The following ARHGAP9 variants were observed in gnomAD, a reference collection of about 807,000 sequenced individuals.
ARHGAP9 encodes the protein rho GTPase-activating protein 9.
Under a neutral mutation model 87.3 loss-of-function variants are expected in ARHGAP9, and 76 were observed. The observed-to-expected ratio is 0.87, with a 90% CI of 0.72 to 1.05. The LOEUF (loss-of-function observed/expected upper bound fraction) is 1.05, where lower values mean the gene tolerates loss of function less well. ARHGAP9 is among the 50% of genes least tolerant of loss of function. The probability of loss-of-function intolerance (pLI) is 0.00; values close to 1 mark genes in which losing one functional copy is unlikely to be tolerated. For synonymous variants in ARHGAP9, 382 were observed against 394.9 expected (o/e 0.97, Z 0.39); for missense variants, 941 against 960.5 (o/e 0.98, Z 0.27).
chr12:57,484,034 C>G, upstream of ARHGAP9: 1 of 140,058 alleles, frequency 7.1e-6, no homozygotes, highest in South Asian at 1.2e-4. Flanking sequence ...GAGCAAGACC[C>G]TGTCTCAAAA....
In ARHGAP9 at chr12:57,472,603, C is replaced by G; in HGVS notation, c.2110G>C (p.Glu704Gln). 1.2e-6 allele frequency: 2 copies of G among 1,614,248 alleles called. No individual in the cohort carries two copies. Among genetic ancestry groups the G allele is most frequent in the Non-Finnish European group, 1.7e-6 (2 of 1,180,048 alleles). Reference sequence around the variant, plus strand: ...GCATGGGCTGCTGGGTCAGATGTCTCCTGCTCTGGCCGAAACAGGGTTGGT... The same window carrying G: ...GCATGGGCTGCTGGGTCAGATGTCTGCTGCTCTGGCCGAAACAGGGTTGGT... Reference protein sequence around the residue: ...FGPTLFRPEQETSDPAAHALY... With the variant: ...FGPTLFRPEQQTSDPAAHALY... The change falls in exon 18 of 18, where the codon GAG becomes CAG. Residue 704 changes from glutamate to glutamine, a missense_variant. Physicochemically the swap from Glu to Gln is conservative, Grantham distance 29 (BLOSUM62 2). Coordinates refer to ENST00000393791, the MANE Select transcript of ARHGAP9 (RefSeq NM_032496.4).
chr12:57,479,225 C>G lies in ARHGAP9; in HGVS notation c.182G>C (p.Trp61Ser). 6.2e-7 allele frequency: 1 copy of G among 1,614,230 alleles called. No individual in the cohort carries two copies. Among genetic ancestry groups the G allele is most frequent in the Non-Finnish European group, 8.5e-7 (1 of 1,180,038 alleles). Residue 61 changes from tryptophan to serine, a missense_variant, in exon 2 of 18, where the codon TGG becomes TCG. By Grantham distance (177) the Trp-to-Ser change is radical. Transcript: ENST00000393791. ...AGCTTCTAGGCGTCTTGCCAACCAC[C>G]AGTCGGAGTTGGTCTTTCGAAGCAG... ...FLLLRKTNSD[W>S]WLARRLEAPS...
chr12:57,479,010 C>T, intron 2 of ARHGAP9, 81 bp downstream of exon 2: 1 of 1,518,236 alleles, frequency 6.6e-7, no homozygotes, highest in Non-Finnish European at 8.9e-7. Context: ...GGGGGACCTC[C>T]CCAAAATTCC....
intron 10 of ARHGAP9, 46 bp downstream of exon 10, chr12:57,475,787 G>T: frequency 1.2e-6 from 2 of 1,602,112 alleles, no homozygotes; most frequent in Non-Finnish European, 1.7e-6. Flanking sequence ...CCACTCCCTT[G>T]GTCCCGGCCG....
At chr12:57,472,963 A>C (rs900924010) in intron 17 of ARHGAP9, among the ~76,000 whole-genome samples, 1 of 152,200 alleles carries the variant, frequency 6.6e-6, no homozygotes, top group Non-Finnish European at 1.5e-5. Context: ...TCAAGTGGCC[A>C]TCCTCTCTCA....
intron 2 of ARHGAP9, 152 bp downstream of exon 2, chr12:57,478,939 G>T: frequency 8.5e-7 from 1 of 1,172,748 alleles, no homozygotes; most frequent in Non-Finnish European, 1.2e-6. Flanking sequence ...GCCATGGCGG[G>T]GGCAAGAGGT....
chr12:57,488,779 C>T, exon 1 of ARHGAP9: 1 of 952,780 alleles, frequency 1.0e-6, no homozygotes, highest in Admixed American at 2.1e-5. Flanking sequence ...CCCAATACCA[C>T]CACCTCCTCT....
intron 7 of ARHGAP9, 39 bp from the exon 8 acceptor site, chr12:57,476,493 G>T: frequency 6.2e-7 from 1 of 1,613,154 alleles, no homozygotes. Context: ...TAGCGAACAG[G>T]TCATTCTAGA....
At chr12:57,483,987 G>A (rs181958073), upstream of ARHGAP9, 20 of 436,328 alleles carry the variant, frequency 4.6e-5, no homozygotes, top group East Asian at 1.4e-3. Flanking sequence ...ATTGCACTGA[G>A]CTGAGATCAT....
chr12:57,478,424 C>A, intron 3 of ARHGAP9, 116 bp downstream of exon 3: 1 of 1,058,596 alleles, frequency 9.4e-7, no homozygotes, highest in Non-Finnish European at 1.4e-6. Flanking sequence ...TAGTACCAAG[C>A]GTTATCTTAT....
intron 3 of ARHGAP9, 87 bp from the exon 4 acceptor site, chr12:57,477,767 C>A (rs748250568): frequency 1.3e-6 from 2 of 1,554,060 alleles, no homozygotes; most frequent in East Asian, 2.4e-5. Flanking sequence ...CCTGCTCCCT[C>A]CCCCATTGTC....
At position 57,479,081 on chromosome 12, in the gene ARHGAP9, G is replaced by A. The variant is rs748831469; in HGVS notation, c.316+10C>T. On this transcript the variant is annotated intron_variant, in intron 2 of 17. Coordinates refer to ENST00000393791, the MANE Select transcript of ARHGAP9 (RefSeq NM_032496.4). ...GGAAGGTGAAGGGAGAGGGCTTAGC[G>A]CTTACTCACCAGGAGTCCAGAGCAA... 5.9e-5 allele frequency: 95 copies of A among 1,613,330 alleles called. No homozygotes were observed. Among genetic ancestry groups the A allele is most frequent in the Admixed American group, 4.8e-4 (29 of 60,002 alleles).
intron 12 of ARHGAP9, 77 bp from the exon 13 acceptor site, chr12:57,475,050 T>C: frequency 6.8e-7 from 1 of 1,462,470 alleles, no homozygotes; most frequent in Non-Finnish European, 9.4e-7. Context: ...GTCTTTATCC[T>C]TAAGTGAGGC....
Position 57,479,432 on chromosome 12 carries a change from A to G in ARHGAP9, c.-18-8T>C. The G allele has an allele frequency of 6.2e-7, 1 of 1,602,486 alleles. No homozygotes were observed. Among genetic ancestry groups the G allele is most frequent in the Non-Finnish European group, 8.5e-7 (1 of 1,174,980 alleles). ...TGTAGCCAGCACTGTCACCTGTGAG[A>G]AAAAGGGACACTGGAGACCCAGAAG... On this transcript the variant is annotated splice_polypyrimidine_tract_variant and splice_region_variant and intron_variant, in intron 1 of 17. Transcript: ENST00000393791.
rs917690391 is a variant in ARHGAP9 at position 57,488,506 on chromosome 12, C to T, written c.-204+106G>A. 46 of 1,452,346 alleles carry T rather than the reference C, an allele frequency of 3.2e-5. No individual in the cohort carries two copies. In the African/African-American group the frequency reaches 5.6e-4, roughly 18 times the overall value. 90.0% of individuals were successfully genotyped at this position (1,452,346 alleles called of 1,614,324 possible). A position where few individuals can be genotyped will look rare whatever the true frequency, so the allele number is the denominator to read the frequency against. ...TTCTCCTACACCTATCAGGCATCCC[C>T]CTCTGCTCTTTAGTTACTAGCATGA... On this transcript the variant is annotated intron_variant, in intron 1 of 20. Transcript: ENST00000393797.
chr12:57,488,329 C>G (rs1437199483), intron 1 of ARHGAP9: 1 of 844,994 alleles, frequency 1.2e-6, no homozygotes, highest in African/African-American at 1.7e-5. Flanking sequence ...TCCTATTATC[C>G]TTGATCACTC....
chr12:57,474,643 C>T lies in ARHGAP9; in HGVS notation c.1712G>A (p.Arg571His). The T allele has an allele frequency of 1.9e-6, 3 of 1,614,150 alleles. No individual in the cohort carries two copies. The highest frequency in any genetic ancestry group is 1.1e-5 in the South Asian group (1 of 91,084). Residue 571 changes from arginine (R) to histidine (H), a missense_variant, in exon 14 of 18, where the codon CGC becomes CAC. By Grantham distance (29) the Arg-to-His change is conservative. Coordinates refer to ENST00000393791, the MANE Select transcript of ARHGAP9 (RefSeq NM_032496.4). ...SGNLAVVQKL[R>H]FLVDRERAVT... The stretch of plus-strand genomic sequence containing the variant: ...CTTCTCACCTCTGTCCACCAGAAAG[C>T]GAAGCTTCTGGACCACTGCCAAGTT...
chr12:57,476,480 T>A, intron 7 of ARHGAP9, 26 bp from the exon 8 acceptor site: 1 of 1,613,630 alleles, frequency 6.2e-7, no homozygotes, highest in African/African-American at 1.3e-5. Context: ...GGGGAGGTAG[T>A]GGTAGCGAAC....
At chr12:57,475,989 G>A (rs1391094393) in intron 9 of ARHGAP9, 58 bp from the exon 10 acceptor site, 7 of 1,542,504 alleles carry the variant, frequency 4.5e-6, no homozygotes, top group South Asian at 1.2e-5. Context: ...TAAGCAGGGA[G>A]ACCTAGCGGG....
Sources: allele counts gnomAD v4.1 joint callset (sites outside exome capture counted in the v4.1 genomes callset), GRCh38; gene constraint gnomAD v4.1.1; transcripts MANE v1.5; gene names NCBI Gene and HGNC (gene_info 2026-07-23, HGNC 2026-07-21).